DAB1: variants seen among roughly 807,000 people sequenced by gnomAD.
DAB1 encodes disabled homolog 1.
Under a neutral mutation model 64.6 loss-of-function variants are expected in DAB1, and 15 were observed. The ratio of observed to expected loss-of-function variants is 0.23; its 90% CI spans 0.16 to 0.36. DAB1 has a LOEUF of 0.36. Ranked by LOEUF, DAB1 falls within the 10% of genes least tolerant of loss-of-function variation. The pLI, the probability that DAB1 is intolerant of heterozygous loss-of-function variation, is 1.00. For missense variants in DAB1, 596 were observed against 706.7 expected, an observed-to-expected ratio of 0.84 and a Z score of 1.78; for synonymous variants, 235 against 251.9, an observed-to-expected ratio of 0.93 and a Z score of 0.64.
intron 7 of DAB1, among the ~76,000 whole-genome samples, chr1:57,511,817 C>T (rs1644408527): frequency 6.6e-6 from 1 of 152,162 alleles, no homozygotes; most frequent in South Asian, 2.1e-4. Context: ...CTTTGACCAT[C>T]TGGCAAAGTC....
intron 7 of DAB1, among the ~76,000 whole-genome samples, chr1:57,432,927 C>T (rs189530532): frequency 6.6e-6 from 1 of 151,946 alleles, no homozygotes; most frequent in East Asian, 1.9e-4. Flanking sequence ...AATTATTTAC[C>T]AAAATTACAC....
chr1:57,727,151 G>C (rs1303940179), intron 6 of DAB1, among the ~76,000 whole-genome samples: 1 of 152,176 alleles, frequency 6.6e-6, no homozygotes, highest in African/African-American at 2.4e-5. Context: ...TTGAAATCCA[G>C]AAAAGGAAGT....
intron 7 of DAB1, among the ~76,000 whole-genome samples, chr1:57,536,014 T>C (rs1190778281): frequency 1.3e-5 from 2 of 152,208 alleles, no homozygotes; most frequent in Non-Finnish European, 2.9e-5. Context: ...TGGAAACCTG[T>C]AGCAGCAGTT....
At chr1:57,413,457 C>T (rs747669979) in intron 1 of DAB1, among the ~76,000 whole-genome samples, 3 of 152,076 alleles carry the variant, frequency 2.0e-5, no homozygotes, top group Non-Finnish European at 2.9e-5. Context: ...ATTCATCATT[C>T]GTGGCCCAGC....
At chr1:57,054,578 C>A (rs552231523) in intron 9 of DAB1, among the ~76,000 whole-genome samples, 2 of 149,884 alleles carry the variant, frequency 1.3e-5, no homozygotes, top group Admixed American at 6.7e-5. Flanking sequence ...CCCGGGTTCA[C>A]GCCATTCTCC....
intron 4 of DAB1, among the ~76,000 whole-genome samples, chr1:58,208,368 T>A (rs1343410130): frequency 6.6e-6 from 1 of 152,110 alleles, no homozygotes; most frequent in Admixed American, 6.6e-5. Flanking sequence ...TAGCGGAGAT[T>A]TCTGAGATTT....
At chr1:57,421,612 A>C (rs2101089328) in intron 1 of DAB1, among the ~76,000 whole-genome samples, 1 of 152,224 alleles carries the variant, frequency 6.6e-6, no homozygotes, top group South Asian at 2.1e-4. Flanking sequence ...CAGTCCTTTC[A>C]AACCACTGCA....
chr1:58,215,551 C>T (rs1447877410), intron 4 of DAB1, among the ~76,000 whole-genome samples: 3 of 152,090 alleles, frequency 2.0e-5, no homozygotes, highest in African/African-American at 4.8e-5. Context: ...TTTTCAGCAA[C>T]GAAAGAGTTC....
chr1:57,472,222 C>T (rs1020628217), intron 7 of DAB1, among the ~76,000 whole-genome samples: 10 of 152,152 alleles, frequency 6.6e-5, no homozygotes, highest in Non-Finnish European at 1.3e-4. Flanking sequence ...TGGCTTGTGC[C>T]GTTTTAGAAC....
intron 3 of DAB1, among the ~76,000 whole-genome samples, chr1:58,380,564 T>C (rs1393546057): frequency 6.6e-6 from 1 of 152,212 alleles, no homozygotes; most frequent in African/African-American, 2.4e-5. Context: ...ATCTCTTTGA[T>C]GTAGTAGGTT....
At chr1:58,522,674 C>T (rs988519121) in intron 2 of DAB1, among the ~76,000 whole-genome samples, 5 of 152,180 alleles carry the variant, frequency 3.3e-5, no homozygotes, top group African/African-American at 1.2e-4. Context: ...CAAAACCTAA[C>T]TACTAATAGC....
intron 2 of DAB1, among the ~76,000 whole-genome samples, chr1:57,227,013 CAAA>C: frequency 7.3e-6 from 1 of 137,550 alleles, no homozygotes; most frequent in African/African-American, 2.6e-5. Context: ...CACCATCTCT[CAAA>C]AAAAAAAAAA....
intron 4 of DAB1, among the ~76,000 whole-genome samples, chr1:58,334,621 T>TATC (rs1663059028): frequency 7.1e-6 from 1 of 140,280 alleles, no homozygotes; most frequent in African/African-American, 2.6e-5. Context: ...TATATTATAT[T>TATC]ATATTATATT....
At chr1:57,949,871 CT>C (rs1194687415) in intron 5 of DAB1, among the ~76,000 whole-genome samples, 1 of 152,172 alleles carries the variant, frequency 6.6e-6, no homozygotes, top group Non-Finnish European at 1.5e-5. Context: ...CTTTCAGGCA[CT>C]GGGGTTGTCC....
At chr1:57,669,201 T>A (rs1353360854) in intron 6 of DAB1, among the ~76,000 whole-genome samples, 1 of 152,084 alleles carries the variant, frequency 6.6e-6, no homozygotes, top group African/African-American at 2.4e-5. Flanking sequence ...GAAAAAGTGC[T>A]GAGAAAGAAA....
intron 5 of DAB1, among the ~76,000 whole-genome samples, chr1:58,127,891 T>G (rs1191610873): frequency 6.6e-6 from 1 of 152,176 alleles, no homozygotes; most frequent in Non-Finnish European, 1.5e-5. Flanking sequence ...AGTCAGGTAG[T>G]GTGATGCCTC....
intron 6 of DAB1, among the ~76,000 whole-genome samples, chr1:57,719,630 C>T (rs1432834267): frequency 1.3e-5 from 2 of 152,244 alleles, no homozygotes; most frequent in Admixed American, 1.3e-4. Flanking sequence ...TCCTTCTTTG[C>T]TTACTCTCCT....
chr1:58,316,183 C>A (rs1662555314), intron 4 of DAB1, among the ~76,000 whole-genome samples: 5 of 152,164 alleles, frequency 3.3e-5, no homozygotes, highest in Admixed American at 2.6e-4. Flanking sequence ...TACATGGTTG[C>A]AGTTTTTGTT....
chr1:57,312,607 G>A (rs1382939331), intron 1 of DAB1, among the ~76,000 whole-genome samples: 2 of 152,190 alleles, frequency 1.3e-5, no homozygotes, highest in Admixed American at 1.3e-4. Flanking sequence ...CCAGGCTAAT[G>A]CATCCAGGAT....
Sources: allele counts gnomAD v4.1 joint callset (sites outside exome capture counted in the v4.1 genomes callset), GRCh38; gene constraint gnomAD v4.1.1; transcripts MANE v1.5; gene names NCBI Gene and HGNC (gene_info 2026-07-23, HGNC 2026-07-21).